CHCHD3: variants seen among roughly 807,000 people sequenced by gnomAD.
CHCHD3 encodes coiled-coil-helix-coiled-coil-helix domain containing 3.
CHCHD3 carries 20 observed loss-of-function variants against 38.2 expected under a neutral mutation model. The ratio of observed to expected loss-of-function variants is 0.52; its 90% CI spans 0.37 to 0.76. The LOEUF (loss-of-function observed/expected upper bound fraction) is 0.76, where lower values mean the gene tolerates loss of function less well. Ranked by LOEUF, CHCHD3 falls within the 30% of genes least tolerant of loss-of-function variation. The probability of loss-of-function intolerance (pLI) is 0.00; values close to 1 mark genes in which losing one functional copy is unlikely to be tolerated. For synonymous variants in CHCHD3, 82 were observed against 100.0 expected (o/e 0.82, Z 1.07); for missense variants, 245 against 279.2 (o/e 0.88, Z 0.87).
chr7:133,074,362 G>C (rs982843880), intron 1 of CHCHD3, among the ~76,000 whole-genome samples: 16 of 152,216 alleles, frequency 1.1e-4, no homozygotes, highest in African/African-American at 3.9e-4. Flanking sequence ...AAAAAACTAC[G>C]ACTCCCTTCT....
chr7:133,002,677 T>C (rs759656530), intron 3 of CHCHD3, among the ~76,000 whole-genome samples: 11 of 152,112 alleles, frequency 7.2e-5, no homozygotes, highest in Non-Finnish European at 1.6e-4. Context: ...CTTCCCTTAA[T>C]AGAATTAACT....
intron 2 of CHCHD3, among the ~76,000 whole-genome samples, chr7:133,026,943 T>TC (rs1366802398): frequency 2.0e-5 from 3 of 147,910 alleles, no homozygotes; most frequent in East Asian, 3.9e-4. Flanking sequence ...AAAATATTCT[T>TC]TTTTTTTTTT....
chr7:132,958,651 T>G (rs1293896953), intron 4 of CHCHD3, among the ~76,000 whole-genome samples: 1 of 152,240 alleles, frequency 6.6e-6, no homozygotes, highest in Non-Finnish European at 1.5e-5. Flanking sequence ...TTTCCTTAGA[T>G]GTATTAATAT....
At chr7:132,882,804 C>T (rs577459237) in intron 5 of CHCHD3, among the ~76,000 whole-genome samples, 1 of 152,016 alleles carries the variant, frequency 6.6e-6, no homozygotes, top group South Asian at 2.1e-4. Flanking sequence ...AAGCAGGTGC[C>T]AAGTATATCA....
chr7:133,062,190 CCTCT>C (rs1814537591), intron 2 of CHCHD3, among the ~76,000 whole-genome samples: 1 of 151,822 alleles, frequency 6.6e-6, no homozygotes, highest in African/African-American at 2.4e-5. Flanking sequence ...TGATTTTGAA[CCTCT>C]CTGCTTGCAA....
chr7:132,948,749 A>C (rs957449184), intron 4 of CHCHD3, among the ~76,000 whole-genome samples: 5 of 152,168 alleles, frequency 3.3e-5, no homozygotes, highest in African/African-American at 9.7e-5. Context: ...ATGGCAAAAC[A>C]GATTTTGAAG....
chr7:132,918,724 C>CA (rs1207993696), intron 4 of CHCHD3, among the ~76,000 whole-genome samples: 4 of 152,326 alleles, frequency 2.6e-5, no homozygotes, highest in African/African-American at 9.6e-5. Context: ...ATACCTAATT[C>CA]AAGAGCAAGT....
intron 4 of CHCHD3, among the ~76,000 whole-genome samples, chr7:132,969,191 C>G (rs1267242195): frequency 7.1e-6 from 1 of 141,500 alleles, no homozygotes; most frequent in Admixed American, 7.2e-5. Context: ...TAAGGTTTTA[C>G]AAATTCAAAA....
chr7:132,977,337 A>C (rs562859522), intron 3 of CHCHD3, among the ~76,000 whole-genome samples: 1 of 152,322 alleles, frequency 6.6e-6, no homozygotes, highest in South Asian at 2.1e-4. Flanking sequence ...AGCCCTCTAG[A>C]ATTCTGATGC....
intron 4 of CHCHD3, among the ~76,000 whole-genome samples, chr7:132,909,634 C>T (rs1042436467): frequency 6.6e-6 from 1 of 152,328 alleles, no homozygotes; most frequent in African/African-American, 2.4e-5. Context: ...TTATCACTCC[C>T]AACTTCACAG....
In CHCHD3 at chr7:132,950,849, C is replaced by T. The variant is rs73724128; in HGVS notation, c.369+24320G>A. On this transcript the variant is annotated intron_variant, in intron 4 of 7. Coordinates refer to ENST00000262570, the MANE Select transcript of CHCHD3 (RefSeq NM_017812.4). ...CATTTAAAATTCCTCATCTCTACAA[C>T]TCAATATTTTTCCTTGATGCATTCT... Among the ~76,000 whole-genome samples, 1,299 of 152,252 alleles carry T rather than the reference C, an allele frequency of 8.5e-3. 24 individuals carry two copies. Among genetic ancestry groups the T allele is most frequent in the African/African-American group, 0.03 (1,240 of 41,542 alleles).
chr7:132,983,995 C>T (rs1178288699), intron 3 of CHCHD3, among the ~76,000 whole-genome samples: 1 of 151,402 alleles, frequency 6.6e-6, no homozygotes, highest in Non-Finnish European at 1.5e-5. Flanking sequence ...CTCTCCCTCT[C>T]CCCACGGTCT....
intron 4 of CHCHD3, among the ~76,000 whole-genome samples, chr7:132,897,655 G>A (rs764491326): frequency 6.6e-6 from 1 of 152,104 alleles, no homozygotes; most frequent in Non-Finnish European, 1.5e-5. Flanking sequence ...AGAAGAAAAT[G>A]TAAAAAATTA....
intron 3 of CHCHD3, among the ~76,000 whole-genome samples, chr7:132,992,390 C>G (rs1003710375): frequency 6.6e-6 from 1 of 152,172 alleles, no homozygotes; most frequent in Non-Finnish European, 1.5e-5. Flanking sequence ...AGGAAATGCC[C>G]CTTCCTCAGA....
At chr7:133,064,416 A>C (rs193213527) in intron 2 of CHCHD3, among the ~76,000 whole-genome samples, 1 of 152,252 alleles carries the variant, frequency 6.6e-6, no homozygotes, top group African/African-American at 2.4e-5. Context: ...AAAGTTTCAC[A>C]TATTAAAAGT....
At chr7:133,076,590 G>C (rs932548134) in intron 1 of CHCHD3, among the ~76,000 whole-genome samples, 5 of 152,162 alleles carry the variant, frequency 3.3e-5, no homozygotes, top group Admixed American at 6.5e-5. Flanking sequence ...CTCCACAGAG[G>C]GGGAAAGGCC....
At position 132,948,205 on chromosome 7, in the gene CHCHD3, C is replaced by T. The variant is rs561851817; in HGVS notation, c.369+26964G>A. On this transcript the variant is annotated intron_variant, in intron 4 of 7. Transcript: ENST00000262570. ...CTTTACAGTCACTCCCCATCTCTAA[C>T]TCAAAATGTTACTATAGTTTTATTA... 1.2e-4 allele frequency among the ~76,000 whole-genome samples: 19 copies of T among 152,150 alleles called. No homozygotes were observed. The South Asian group carries it at 4.0e-3, about 32-fold the overall frequency.
intron 3 of CHCHD3, among the ~76,000 whole-genome samples, chr7:132,977,918 G>C (rs79846224): frequency 0.017 from 2,634 of 152,156 alleles, 83 homozygotes; most frequent in African/African-American, 0.06. Context: ...GAGCACAAAA[G>C]CCTTCAATGT....
chr7:132,961,635 A>G (rs968390671), intron 4 of CHCHD3, among the ~76,000 whole-genome samples: 41 of 152,338 alleles, frequency 2.7e-4, no homozygotes, highest in African/African-American at 9.9e-4. Context: ...AACATTTAAG[A>G]TCCATTCCCT....
Sources: allele counts gnomAD v4.1 joint callset (sites outside exome capture counted in the v4.1 genomes callset), GRCh38; gene constraint gnomAD v4.1.1; transcripts MANE v1.5; gene names NCBI Gene and HGNC (gene_info 2026-07-23, HGNC 2026-07-21).